The following MAST4 variants were observed in gnomAD, a reference collection of about 807,000 sequenced individuals.
The protein encoded by MAST4 is microtubule associated serine/threonine kinase family member 4, also known as microtubule-associated serine/threonine-protein kinase 4.
In MAST4, 89 loss-of-function variants were observed where a neutral mutation model predicts 162.7. The observed-to-expected ratio is 0.55, with a 90% confidence interval of 0.46 to 0.65. MAST4 has a LOEUF of 0.65. MAST4 is among the 30% of genes least tolerant of loss of function. The pLI is 0.00. For synonymous variants in MAST4, 1,479 were observed against 1,361.1 expected (o/e 1.09, Z -1.91); for missense variants, 3,153 against 3,374.0 (o/e 0.93, Z 1.62).
intron 1 of MAST4, among the ~76,000 whole-genome samples, chr5:66,677,411 AG>A (rs1748018101): frequency 6.6e-6 from 1 of 152,094 alleles, no homozygotes; most frequent in South Asian, 2.1e-4. Context: ...ATTGTTCTGG[AG>A]TAATGAAAAA....
chr5:66,614,254 A>C (rs931145109), intron 1 of MAST4, among the ~76,000 whole-genome samples: 1 of 152,248 alleles, frequency 6.6e-6, no homozygotes, highest in African/African-American at 2.4e-5. Context: ...GTGTCTGGCC[A>C]GTTCCACTAC....
At chr5:67,082,910 TAAAATA>T in intron 5 of MAST4, among the ~76,000 whole-genome samples, 1 of 152,286 alleles carries the variant, frequency 6.6e-6, no homozygotes, top group East Asian at 1.9e-4. Context: ...TTTGAAATAT[TAAAATA>T]AAAAGTCACC....
chr5:66,907,587 C>CATGTGTGTGT, intron 4 of MAST4, among the ~76,000 whole-genome samples: 1 of 144,238 alleles, frequency 6.9e-6, no homozygotes, highest in Non-Finnish European at 1.5e-5. Context: ...TAGGTTGATG[C>CATGTGTGTGT]GTGTGTGTGT....
intron 1 of MAST4, among the ~76,000 whole-genome samples, chr5:66,636,326 C>T (rs569032615): frequency 2.0e-5 from 3 of 152,176 alleles, no homozygotes; most frequent in African/African-American, 7.2e-5. Flanking sequence ...AGTTCCTCCC[C>T]GCGGTTATTT....
chr5:66,626,593 A>G (rs1016063408), intron 1 of MAST4, among the ~76,000 whole-genome samples: 3 of 152,244 alleles, frequency 2.0e-5, no homozygotes, highest in Non-Finnish European at 2.9e-5. Flanking sequence ...TCCCAAATGC[A>G]TTGCAAATTT....
At chr5:67,040,410 A>G (rs1756593603) in intron 4 of MAST4, among the ~76,000 whole-genome samples, 2 of 152,310 alleles carry the variant, frequency 1.3e-5, no homozygotes, top group South Asian at 2.1e-4. Context: ...TCATCTACCT[A>G]TGGATCTTTG....
At chr5:66,601,246 T>G (rs1742534531) in intron 1 of MAST4, among the ~76,000 whole-genome samples, 1 of 152,214 alleles carries the variant, frequency 6.6e-6, no homozygotes, top group African/African-American at 2.4e-5. Context: ...TGCATAAATC[T>G]TGGCATATTT....
intron 1 of MAST4, among the ~76,000 whole-genome samples, chr5:66,642,252 C>T (rs550896108): frequency 1.2e-4 from 18 of 152,260 alleles, no homozygotes; most frequent in African/African-American, 4.1e-4. Context: ...CATGTGGATG[C>T]AGTCAGAAAA....
At chr5:66,908,910 T>C (rs764388713) in intron 4 of MAST4, among the ~76,000 whole-genome samples, 8 of 152,224 alleles carry the variant, frequency 5.3e-5, no homozygotes, top group Non-Finnish European at 8.8e-5. Context: ...AATATTATTG[T>C]GTCCTCAAAT....
Position 66,994,842 on chromosome 5 carries a change from A to C in MAST4, c.675-59562A>C, listed in dbSNP as rs554496718. Among the ~76,000 whole-genome samples the C allele has an allele frequency of 2.0e-5, 3 of 152,224 alleles. No homozygotes were observed. The East Asian group carries it at 5.8e-4, about 29-fold the overall frequency. On this transcript the variant is annotated intron_variant, in intron 4 of 28. Coordinates refer to ENST00000403625, the MANE Select transcript of MAST4 (RefSeq NM_001164664.2). ...TTATTTTTATTATATTCATGTCTAG[A>C]TAATGTTAAAAGTAAGTTTGCTTCT...
intron 3 of MAST4, among the ~76,000 whole-genome samples, chr5:66,825,385 G>A (rs184132250): frequency 2.0e-5 from 3 of 150,710 alleles, no homozygotes; most frequent in Non-Finnish European, 3.0e-5. Context: ...GCGCTATTAC[G>A]ATCTTATGGG....
chr5:66,615,732 C>G (rs1466420230), intron 1 of MAST4, among the ~76,000 whole-genome samples: 1 of 151,994 alleles, frequency 6.6e-6, no homozygotes, highest in Non-Finnish European at 1.5e-5. Context: ...GGATTGAGCC[C>G]AGGAATTTGA....
chr5:66,682,227 A>T (rs1049045725), intron 1 of MAST4, among the ~76,000 whole-genome samples: 1 of 152,198 alleles, frequency 6.6e-6, no homozygotes, highest in Non-Finnish European at 1.5e-5. Flanking sequence ...GAAATGGATT[A>T]GAGTCCACAC....
At chr5:66,945,651 C>G (rs1328242070) in intron 4 of MAST4, among the ~76,000 whole-genome samples, 1 of 152,118 alleles carries the variant, frequency 6.6e-6, no homozygotes, top group Admixed American at 6.6e-5. Flanking sequence ...GGTGAAGGCA[C>G]TGGCTGCATC....
intron 4 of MAST4, among the ~76,000 whole-genome samples, chr5:66,970,883 G>A (rs992015855): frequency 6.6e-6 from 1 of 152,198 alleles, no homozygotes; most frequent in African/African-American, 2.4e-5. Flanking sequence ...ACACATCTCA[G>A]TTTGCCCAGA....
At chr5:66,872,048 C>T (rs1224428114) in intron 3 of MAST4, among the ~76,000 whole-genome samples, 1 of 152,198 alleles carries the variant, frequency 6.6e-6, no homozygotes, top group Non-Finnish European at 1.5e-5. Flanking sequence ...AGCAAAATCT[C>T]TGGTGTTGAC....
intron 4 of MAST4, chr5:66,963,773 C>T (rs1480963823): frequency 3.8e-6 from 3 of 779,690 alleles, no homozygotes; most frequent in African/African-American, 1.7e-5. Context: ...CTCTCTTGGC[C>T]TTTCACTTTT....
At position 67,066,481 on chromosome 5, in the gene MAST4, T is replaced by G. The variant is rs145235449; in HGVS notation, c.763+11989T>G. On this transcript the variant is annotated intron_variant, in intron 5 of 28. Transcript: ENST00000403625. Reference sequence around the variant, plus strand: ...TATAAATGTATGATCATAAATATAATTTTATGTCTATATCATTTTCTTTTA... The same window carrying G: ...TATAAATGTATGATCATAAATATAAGTTTATGTCTATATCATTTTCTTTTA... 2.6e-5 allele frequency among the ~76,000 whole-genome samples: 4 copies of G among 151,762 alleles called. No individual in the cohort carries two copies. The East Asian group carries it at 7.8e-4, about 29-fold the overall frequency.
intron 4 of MAST4, among the ~76,000 whole-genome samples, chr5:66,932,846 A>G (rs977127647): frequency 6.6e-6 from 1 of 152,204 alleles, no homozygotes; most frequent in African/African-American, 2.4e-5. Flanking sequence ...AAATTTAGCA[A>G]TTAAATCTTT....
Sources: gnomAD v4.1 joint callset for allele counts (sites outside exome capture counted in the v4.1 genomes callset) on GRCh38, gnomAD v4.1.1 for gene constraint, MANE v1.5 for transcripts, NCBI Gene and HGNC (gene_info 2026-07-23, HGNC 2026-07-21) for gene names.